TSPEAR: variants seen among roughly 807,000 people sequenced by gnomAD.
TSPEAR encodes thrombospondin type laminin G domain and EAR repeats.
Under a neutral mutation model 71.6 loss-of-function variants are expected in TSPEAR, and 69 were observed. The observed-to-expected ratio is 0.96, with a 90% CI of 0.79 to 1.18. The LOEUF is 1.18. Ranked by LOEUF, TSPEAR falls within the 50% of genes most tolerant of loss-of-function variation. The pLI is 0.00. For missense variants in TSPEAR, 971 were observed against 894.9 expected, an observed-to-expected ratio of 1.09 and a Z score of -1.09; for synonymous variants, 402 against 387.2, an observed-to-expected ratio of 1.04 and a Z score of -0.45.
chr21:44,658,853 G>A (rs1307809548), intron 1 of TSPEAR, among the ~76,000 whole-genome samples: 3 of 152,100 alleles, frequency 2.0e-5, no homozygotes, highest in South Asian at 2.1e-4. Flanking sequence ...CAGATGGAGC[G>A]TGTTGGGGGA....
intron 1 of TSPEAR, among the ~76,000 whole-genome samples, chr21:44,585,405 C>A (rs1433138809): frequency 2.6e-5 from 4 of 152,182 alleles, no homozygotes; most frequent in African/African-American, 9.7e-5. Flanking sequence ...TGTGTTCATC[C>A]CCTCGGTCCC....
intron 1 of TSPEAR, chr21:44,697,174 C>A (rs782543561): frequency 3.1e-6 from 5 of 1,605,502 alleles, no homozygotes; most frequent in African/African-American, 1.3e-5. Flanking sequence ...GCTCCCCCAG[C>A]TCAACCCCCA....
chr21:44,556,414 C>T (rs1413411424), intron 2 of TSPEAR, among the ~76,000 whole-genome samples: 6 of 151,778 alleles, frequency 4.0e-5, no homozygotes, highest in Non-Finnish European at 8.8e-5. Context: ...ACCAAAAGAC[C>T]GGGTGCAGTG....
At chr21:44,685,432 A>G (rs1555948775) in intron 1 of TSPEAR, among the ~76,000 whole-genome samples, 1 of 152,048 alleles carries the variant, frequency 6.6e-6, no homozygotes, top group Non-Finnish European at 1.5e-5. Flanking sequence ...CTTTCCCCCA[A>G]GCTGCCTCTG....
chr21:44,634,004 G>C (rs191531386), intron 1 of TSPEAR, among the ~76,000 whole-genome samples: 87 of 152,226 alleles, frequency 5.7e-4, no homozygotes, highest in Non-Finnish European at 9.6e-4. Context: ...CAACTACTCA[G>C]GAGGTTGAGA....
intron 1 of TSPEAR, among the ~76,000 whole-genome samples, chr21:44,599,400 T>G (rs184554047): frequency 7.4e-4 from 113 of 152,244 alleles, no homozygotes; most frequent in African/African-American, 2.4e-3. Context: ...CTCTGAGACT[T>G]GCCTGGGCAT....
At chr21:44,584,206 G>T (rs1555925458) in intron 1 of TSPEAR, among the ~76,000 whole-genome samples, 1 of 152,086 alleles carries the variant, frequency 6.6e-6, no homozygotes, top group Non-Finnish European at 1.5e-5. Context: ...CTGTGGCCTG[G>T]GTCACTTCAC....
At chr21:44,524,448 TAGTC>T (rs1569163619) in intron 8 of TSPEAR, among the ~76,000 whole-genome samples, 1 of 149,398 alleles carries the variant, frequency 6.7e-6, no homozygotes, top group Non-Finnish European at 1.5e-5. Flanking sequence ...GTCAGTTAGT[TAGTC>T]AGCCAGTCAG....
chr21:44,648,740 C>A (rs1458507777), intron 1 of TSPEAR, among the ~76,000 whole-genome samples: 3 of 152,174 alleles, frequency 2.0e-5, no homozygotes, highest in Non-Finnish European at 4.4e-5. Flanking sequence ...CTCCCGATGG[C>A]TCCCGAGGGG....
chr21:44,703,002 A>G (rs1344378662), intron 1 of TSPEAR, among the ~76,000 whole-genome samples: 4 of 152,064 alleles, frequency 2.6e-5, no homozygotes, highest in African/African-American at 9.7e-5. Flanking sequence ...GCCCTCTCCT[A>G]TTATTGAAGG....
Position 44,548,833 on chromosome 21 carries a change from A to T in TSPEAR, c.304-14910T>A, listed in dbSNP as rs117784306. On this transcript the variant is annotated intron_variant, in intron 2 of 11. Transcript: ENST00000323084. Reference sequence around the variant, plus strand: ...CTCTAAGAATTTTAAATCCATGAACACTCTGCACCAGCAATGCCACTTTTA... The same window carrying T: ...CTCTAAGAATTTTAAATCCATGAACTCTCTGCACCAGCAATGCCACTTTTA... 7.1e-3 allele frequency among the ~76,000 whole-genome samples: 1,075 copies of T among 152,172 alleles called. 9 individuals carry two copies. The highest frequency in any genetic ancestry group is 0.034 in the Middle Eastern group (10 of 294).
intron 1 of TSPEAR, among the ~76,000 whole-genome samples, chr21:44,592,766 CA>C (rs1196066020): frequency 6.6e-5 from 10 of 152,112 alleles, no homozygotes; most frequent in African/African-American, 2.4e-4. Context: ...CTGGGAGAGC[CA>C]CAGGTCGCGG....
At chr21:44,510,419 G>C (rs2052335689) in intron 9 of TSPEAR, among the ~76,000 whole-genome samples, 1 of 152,232 alleles carries the variant, frequency 6.6e-6, no homozygotes, top group African/African-American at 2.4e-5. Context: ...TCCCGTGACA[G>C]CAACCACTGG....
intron 9 of TSPEAR, chr21:44,516,548 C>T (rs773079427): frequency 6.6e-6 from 1 of 152,278 alleles, no homozygotes; most frequent in Non-Finnish European, 1.5e-5. Context: ...TAATAAACAC[C>T]AACACCCGCG....
chr21:44,639,172 A>ACG (rs1983870702), intron 1 of TSPEAR, among the ~76,000 whole-genome samples: 2 of 151,512 alleles, frequency 1.3e-5, no homozygotes, highest in Admixed American at 6.6e-5. Flanking sequence ...GTGGTCCTGG[A>ACG]CTCTGACCCC....
chr21:44,683,131 G>A (rs369431491), intron 1 of TSPEAR, among the ~76,000 whole-genome samples: 2 of 152,058 alleles, frequency 1.3e-5, no homozygotes, highest in East Asian at 3.9e-4. Flanking sequence ...CCCGAACAAA[G>A]CCTAAACCAA....
chr21:44,573,937 T>C, intron 1 of TSPEAR: 1 of 1,612,488 alleles, frequency 6.2e-7, no homozygotes, highest in Non-Finnish European at 8.5e-7. Context: ...TGCACCCCAG[T>C]GAGCCGTGTG....
intron 11 of TSPEAR, among the ~76,000 whole-genome samples, chr21:44,504,533 G>GCAGCTCATTACCTGTAAA (rs1569148894): frequency 6.9e-6 from 1 of 144,258 alleles, no homozygotes; most frequent in African/African-American, 2.7e-5. Flanking sequence ...GCCGGCCTCG[G>GCAGCTCATTACCTGTAAA]TGAGCCCACA....
Position 44,695,394 on chromosome 21 carries a change from T to A in TSPEAR, c.82+16039A>T, listed in dbSNP as rs1456518924. 5.9e-5 allele frequency among the ~76,000 whole-genome samples: 9 copies of A among 152,196 alleles called. No individual in the cohort carries two copies. Among genetic ancestry groups the A allele is most frequent in the Non-Finnish European group, 1.2e-4 (8 of 67,998 alleles). On this transcript the variant is annotated intron_variant, in intron 1 of 11. Coordinates refer to ENST00000323084, the MANE Select transcript of TSPEAR (RefSeq NM_144991.3). This position sits in a 1 kb window ranked among gnomAD's most constrained non-coding sequence, Gnocchi z 4.5. Reference sequence around the variant, plus strand: ...TACTGAGAGGTCGGGGGTCGGGTCATGACACACAGCAGGAAATGAATGCAC... The same window carrying A: ...TACTGAGAGGTCGGGGGTCGGGTCAAGACACACAGCAGGAAATGAATGCAC...
Sources: allele counts gnomAD v4.1 joint callset (sites outside exome capture counted in the v4.1 genomes callset), GRCh38; gene constraint gnomAD v4.1.1; non-coding constraint Gnocchi (gnomAD v3.1); transcripts MANE v1.5; gene names NCBI Gene and HGNC (gene_info 2026-07-23, HGNC 2026-07-21).